BANP: variants seen among roughly 807,000 people sequenced by gnomAD.
The protein encoded by BANP is BTG3 associated nuclear protein.
In BANP, 11 loss-of-function variants were observed where a neutral mutation model predicts 68.1. The observed-to-expected ratio is 0.16, with a 90% CI of 0.10 to 0.27. BANP has a LOEUF of 0.27. Among genes scored for constraint, BANP ranks in the 10% least tolerant of loss-of-function variants. The probability of loss-of-function intolerance (pLI) is 1.00; values close to 1 mark genes in which losing one functional copy is unlikely to be tolerated. For synonymous variants in BANP, 329 were observed against 303.2 expected (o/e 1.09, Z -0.88); for missense variants, 504 against 722.7 (o/e 0.70, Z 3.47).
At chr16:88,050,670 G>A (rs954778265) in intron 11 of BANP, among the ~76,000 whole-genome samples, 1 of 152,100 alleles carries the variant, frequency 6.6e-6, no homozygotes, top group African/African-American at 2.4e-5. Context: ...TGTGAGGGGT[G>A]TGTATTGGCT....
intron 2 of BANP, among the ~76,000 whole-genome samples, chr16:87,978,850 T>C (rs1206287029): frequency 2.0e-5 from 3 of 152,138 alleles, no homozygotes; most frequent in Non-Finnish European, 1.5e-5. Flanking sequence ...ACAGCAAGCG[T>C]CAGGTGATCG....
At chr16:87,972,775 G>A (rs12926183) in intron 1 of BANP, among the ~76,000 whole-genome samples, 54,763 of 151,928 alleles carry the variant, frequency 0.36, 11,013 homozygotes, top group Non-Finnish European at 0.47. Context: ...TCTAGTTTCC[G>A]TGCCCTGCAC....
intron 11 of BANP, among the ~76,000 whole-genome samples, chr16:88,062,856 G>T (rs2087250136): frequency 6.6e-6 from 1 of 152,192 alleles, no homozygotes; most frequent in Non-Finnish European, 1.5e-5. Flanking sequence ...TCAGACTTGG[G>T]GTTCTTTTCA....
chr16:88,061,936 G>A (rs2086933320), intron 11 of BANP, among the ~76,000 whole-genome samples: 1 of 152,024 alleles, frequency 6.6e-6, no homozygotes. Flanking sequence ...TAGGACTGCA[G>A]GCATGAGCCA....
chr16:88,025,806 C>T (rs1567793842), intron 7 of BANP, among the ~76,000 whole-genome samples: 1 of 152,208 alleles, frequency 6.6e-6, no homozygotes, highest in Non-Finnish European at 1.5e-5. Flanking sequence ...AGAGTCCGAA[C>T]TTGAGGCTCT....
chr16:87,968,969 C>G (rs2060626798), intron 1 of BANP, among the ~76,000 whole-genome samples: 1 of 152,132 alleles, frequency 6.6e-6, no homozygotes, highest in Admixed American at 6.5e-5. Flanking sequence ...TTCACCCATG[C>G]CCCAGGCTGT....
intron 2 of BANP, chr16:87,980,416 G>A (rs2063025723): frequency 6.5e-6 from 1 of 152,700 alleles, no homozygotes; most frequent in Admixed American, 6.5e-5. Context: ...GGACCACACT[G>A]TGGCTGCCCT....
At chr16:87,985,959 G>A (rs2064309063) in intron 4 of BANP, among the ~76,000 whole-genome samples, 2 of 152,248 alleles carry the variant, frequency 1.3e-5, no homozygotes, top group Non-Finnish European at 2.9e-5. Context: ...AAGATTCTGA[G>A]TTCAGAGAGT....
At chr16:87,980,331 G>C (rs576602404) in intron 2 of BANP, among the ~76,000 whole-genome samples, 6 of 152,220 alleles carry the variant, frequency 3.9e-5, no homozygotes, top group African/African-American at 1.4e-4. Context: ...AATTGTGGCC[G>C]ATTTTGGTCT....
At chr16:88,034,439 G>T (rs1162587522) in intron 9 of BANP, among the ~76,000 whole-genome samples, 1 of 151,678 alleles carries the variant, frequency 6.6e-6, no homozygotes, top group Non-Finnish European at 1.5e-5. Flanking sequence ...GGAATTATTT[G>T]TCTGCCCATA....
chr16:88,040,511 C>T (rs1398876907), intron 11 of BANP, among the ~76,000 whole-genome samples: 2 of 147,510 alleles, frequency 1.4e-5, no homozygotes, highest in Admixed American at 6.8e-5. Context: ...GGGGGTCACA[C>T]GGCCCATTCG....
At chr16:88,063,736 T>C (rs2087602834) in intron 11 of BANP, among the ~76,000 whole-genome samples, 1 of 152,232 alleles carries the variant, frequency 6.6e-6, no homozygotes, top group Admixed American at 6.5e-5. Context: ...GACCGTGATG[T>C]TGTTTCTGCC....
At chr16:87,992,915 CTGTA>C (rs1056012411) in intron 4 of BANP, among the ~76,000 whole-genome samples, 1 of 152,218 alleles carries the variant, frequency 6.6e-6, no homozygotes, top group Non-Finnish European at 1.5e-5. Flanking sequence ...ATGGTACCCA[CTGTA>C]TGTTTCTGTG....
chr16:88,007,716 C>A (rs1340670453), intron 6 of BANP, among the ~76,000 whole-genome samples: 1 of 152,212 alleles, frequency 6.6e-6, no homozygotes, highest in African/African-American at 2.4e-5. Flanking sequence ...AAAGGCTTTC[C>A]TGTTAGGAAG....
At chr16:88,027,004 A>G (rs181648475) in intron 7 of BANP, among the ~76,000 whole-genome samples, 16 of 152,384 alleles carry the variant, frequency 1.0e-4, no homozygotes, top group South Asian at 2.1e-4. Context: ...AAGCCAGGAC[A>G]TGAAGGAAGG....
At chr16:87,963,923 A>G (rs981422943) in intron 1 of BANP, among the ~76,000 whole-genome samples, 10 of 152,082 alleles carry the variant, frequency 6.6e-5, no homozygotes, top group African/African-American at 2.4e-4. Flanking sequence ...GTTTTGTTTT[A>G]TGGGTGTCCA....
At chr16:88,006,061 C>G (rs1404350602) in intron 5 of BANP, 29 bp from the exon 6 acceptor site, 1 of 1,613,088 alleles carries the variant, frequency 6.2e-7, no homozygotes, top group Non-Finnish European at 8.5e-7. Context: ...CTTACCACAT[C>G]GGGCTGGTGT....
At chr16:87,996,070 T>C (rs2067112404) in intron 4 of BANP, among the ~76,000 whole-genome samples, 1 of 152,180 alleles carries the variant, frequency 6.6e-6, no homozygotes, top group Non-Finnish European at 1.5e-5. Context: ...CCATGTCAGT[T>C]GAGGGTTAGG....
At chr16:87,963,091 A>C (rs919060003) in intron 1 of BANP, among the ~76,000 whole-genome samples, 1 of 152,010 alleles carries the variant, frequency 6.6e-6, no homozygotes, top group Non-Finnish European at 1.5e-5. Flanking sequence ...TCCTGTCCTA[A>C]TTTTTATGGC....
Sources: gnomAD v4.1 joint callset for allele counts (sites outside exome capture counted in the v4.1 genomes callset) on GRCh38, gnomAD v4.1.1 for gene constraint, MANE v1.5 for transcripts, NCBI Gene and HGNC (gene_info 2026-07-23, HGNC 2026-07-21) for gene names.